ARID1B: variants seen among roughly 807,000 people sequenced by gnomAD.
The protein encoded by ARID1B is AT-rich interactive domain-containing protein 1B.
ARID1B carries 30 observed loss-of-function variants against 212.3 expected under a neutral mutation model. The observed-to-expected ratio is 0.14, with a 90% confidence interval of 0.11 to 0.19. The LOEUF is 0.19. Ranked by LOEUF, ARID1B falls within the 10% of genes least tolerant of loss-of-function variation. ARID1B has a pLI of 1.00. For synonymous variants in ARID1B, 1,402 were observed against 1,301.7 expected (o/e 1.08, Z -1.66); for missense variants, 2,891 against 3,204.0 (o/e 0.90, Z 2.36).
At chr6:156,908,272 G>A (rs1347773925) in intron 3 of ARID1B, among the ~76,000 whole-genome samples, 1 of 151,958 alleles carries the variant, frequency 6.6e-6, no homozygotes, top group African/African-American at 2.4e-5. Context: ...TCTTGTGTGA[G>A]TATTGCTATA....
intron 1 of ARID1B, among the ~76,000 whole-genome samples, chr6:156,812,374 A>C (rs1044845746): frequency 6.6e-6 from 1 of 152,136 alleles, no homozygotes; most frequent in Non-Finnish European, 1.5e-5. Context: ...TAAATGAAGA[A>C]TTCCCCATGA....
At chr6:157,044,529 A>T (rs1782097727) in intron 4 of ARID1B, among the ~76,000 whole-genome samples, 1 of 152,190 alleles carries the variant, frequency 6.6e-6, no homozygotes, top group South Asian at 2.1e-4. Context: ...AGAACCAAAT[A>T]ATGACCTTTG....
intron 1 of ARID1B, among the ~76,000 whole-genome samples, chr6:156,794,713 G>A (rs1034223098): frequency 6.6e-6 from 1 of 151,234 alleles, no homozygotes; most frequent in Non-Finnish European, 1.5e-5. Context: ...CAAGTAGCTG[G>A]AGTTAAGGCA....
chr6:156,997,526 A>G (rs147187593), intron 4 of ARID1B, among the ~76,000 whole-genome samples: 281 of 152,298 alleles, frequency 1.8e-3, no homozygotes, highest in African/African-American at 6.5e-3. Flanking sequence ...AATATTTACA[A>G]TTACCAAGAG....
chr6:156,822,506 T>A (rs1208437265), intron 1 of ARID1B, among the ~76,000 whole-genome samples: 1 of 152,258 alleles, frequency 6.6e-6, no homozygotes. Context: ...CTTTGGCGAT[T>A]ACATTCTGCA....
intron 4 of ARID1B, among the ~76,000 whole-genome samples, chr6:157,060,991 A>G (rs1043941080): frequency 4.0e-5 from 6 of 150,980 alleles, no homozygotes; most frequent in Non-Finnish European, 5.9e-5. Context: ...TGCTCTGCCC[A>G]CTCCCCACCC....
At chr6:156,850,069 C>T (rs577398756) in intron 2 of ARID1B, among the ~76,000 whole-genome samples, 49 of 149,402 alleles carry the variant, frequency 3.3e-4, no homozygotes, top group African/African-American at 1.1e-3. Flanking sequence ...GATGCAGGCC[C>T]GCCCAGCCCC....
rs568680356 is a variant in ARID1B, at chr6:157,115,467, C to T, written c.2581+4906C>T. Among the ~76,000 whole-genome samples the T allele has an allele frequency of 3.9e-5, 6 of 152,292 alleles. No individual in the cohort carries two copies. In the East Asian group the frequency reaches 1.2e-3, roughly 29 times the overall value. The stretch of plus-strand genomic sequence containing the variant: ...TTTGAGACAGAGTCTTGCTCTGTGA[C>T]CCAGGCTGGAGTGCAGTGGCGCAAT... On this transcript the variant is annotated intron_variant, in intron 6 of 19. Transcript: ENST00000636930.
At chr6:157,007,589 A>C (rs1225164842) in intron 4 of ARID1B, among the ~76,000 whole-genome samples, 4 of 152,254 alleles carry the variant, frequency 2.6e-5, no homozygotes, top group Non-Finnish European at 5.9e-5. Context: ...AAATATTAAA[A>C]TAGAAAGTAG....
intron 13 of ARID1B, chr6:157,185,064 C>T (rs1792879466): frequency 6.5e-6 from 1 of 152,764 alleles, no homozygotes; most frequent in African/African-American, 2.4e-5. Context: ...CGCTGGCCAC[C>T]AACACGCTCG....
At position 157,127,648 on chromosome 6, in the gene ARID1B, C is replaced by T. The variant is rs187200787; in HGVS notation, c.2582-5380C>T. 1.8e-3 allele frequency among the ~76,000 whole-genome samples: 269 copies of T among 151,686 alleles called. 1 individual carries two copies. The highest frequency in any genetic ancestry group is 6.2e-3 in the African/African-American group (255 of 41,356). ...AAAATTAGCCGGGCATGGTGGCAGG[C>T]GCCTGTAATCCCAGCTACTCAGGAG... On this transcript the variant is annotated intron_variant, in intron 6 of 19. Transcript: ENST00000636930.
chr6:157,075,762 A>G (rs1159229742), intron 4 of ARID1B, among the ~76,000 whole-genome samples: 2 of 152,342 alleles, frequency 1.3e-5, no homozygotes, highest in African/African-American at 2.4e-5. Context: ...TTCCCCCAAA[A>G]TCTGTAAGCC....
Position 157,010,278 on chromosome 6 carries a change from GTTTTTTTTTT to G in ARID1B, c.2248-74367_2248-74358del, listed in dbSNP as rs367851681. On this transcript the variant is annotated intron_variant, in intron 4 of 19. Coordinates refer to ENST00000636930, the MANE Select transcript of ARID1B (RefSeq NM_001374828.1). ...TTTTGTTAACATTTATGCATTGCCT[GTTTTTTTTTT>G]TTTTTTTTTTTTTTTTGTTGTTGTT... Among the ~76,000 whole-genome samples, 22 of 102,290 alleles carry G rather than the reference GTTTTTTTTTT, an allele frequency of 2.2e-4. 1 individual carries two copies. The highest frequency in any genetic ancestry group is 7.5e-4 in the South Asian group (2 of 2,650). 67.1% of individuals were successfully genotyped at this position (102,290 alleles called of 152,430 possible).
intron 7 of ARID1B, among the ~76,000 whole-genome samples, chr6:157,136,952 C>A (rs1317167094): frequency 6.8e-6 from 1 of 147,638 alleles, no homozygotes; most frequent in South Asian, 2.2e-4. Flanking sequence ...CTGAGGCAGG[C>A]CGATCGCTTG....
At chr6:156,918,374 G>A (rs1028008694) in intron 3 of ARID1B, among the ~76,000 whole-genome samples, 1 of 152,164 alleles carries the variant, frequency 6.6e-6, no homozygotes, top group East Asian at 1.9e-4. Flanking sequence ...GAAAGCCACT[G>A]AAGTGTTCAT....
chr6:156,813,222 G>A (rs1212521797), intron 1 of ARID1B, among the ~76,000 whole-genome samples: 1 of 150,128 alleles, frequency 6.7e-6, no homozygotes, highest in East Asian at 1.9e-4. Context: ...TCCTGACTCA[G>A]CCTCCCGAGT....
chr6:156,951,169 A>C (rs895228851), intron 4 of ARID1B, among the ~76,000 whole-genome samples: 2 of 152,192 alleles, frequency 1.3e-5, no homozygotes, highest in Admixed American at 1.3e-4. Flanking sequence ...AGAATGTTTC[A>C]TATCCTATGA....
At chr6:157,150,909 G>C (rs1790152026) in intron 8 of ARID1B, 1 of 175,156 alleles carries the variant, frequency 5.7e-6, no homozygotes, top group South Asian at 2.0e-4. Context: ...CTCTGAAACT[G>C]TTAACGATCG....
chr6:156,800,578 T>C (rs773379126), intron 1 of ARID1B, among the ~76,000 whole-genome samples: 2 of 151,846 alleles, frequency 1.3e-5, no homozygotes, highest in Admixed American at 6.6e-5. Flanking sequence ...GACAGAGCAA[T>C]ACTCCATCTC....
Sources: gnomAD v4.1 joint callset for allele counts (sites outside exome capture counted in the v4.1 genomes callset) on GRCh38, gnomAD v4.1.1 for gene constraint, MANE v1.5 for transcripts, NCBI Gene and HGNC (gene_info 2026-07-23, HGNC 2026-07-21) for gene names.